PRKD1: variants seen among roughly 807,000 people sequenced by gnomAD.
PRKD1 encodes serine/threonine-protein kinase D1.
PRKD1 carries 63 observed loss-of-function variants against 95.9 expected under a neutral mutation model. The observed-to-expected ratio is 0.66, with a 90% CI of 0.54 to 0.81. The LOEUF is 0.81. PRKD1 is among the 30% of genes least tolerant of loss of function. The pLI is 0.00. For missense variants in PRKD1, 1,048 were observed against 1,165.3 expected (o/e 0.90, Z 1.47); for synonymous variants, 425 against 423.1 (o/e 1.00, Z -0.05).
At chr14:29,842,195 T>A (rs1289983215) in intron 1 of PRKD1, among the ~76,000 whole-genome samples, 2 of 152,232 alleles carry the variant, frequency 1.3e-5, no homozygotes, top group Admixed American at 1.3e-4. Context: ...GCAGTTAACT[T>A]GTTTTTACAT....
chr14:29,796,212 C>A (rs551385871), intron 1 of PRKD1, among the ~76,000 whole-genome samples: 11 of 152,222 alleles, frequency 7.2e-5, no homozygotes, highest in African/African-American at 2.6e-4. Flanking sequence ...TGTAAATATG[C>A]ATGATGCAGT....
chr14:29,765,945 G>C (rs761067773), intron 1 of PRKD1, among the ~76,000 whole-genome samples: 8 of 152,058 alleles, frequency 5.3e-5, no homozygotes, highest in Non-Finnish European at 1.2e-4. Context: ...CTAGACCTGG[G>C]GGTGACTGCA....
intron 1 of PRKD1, among the ~76,000 whole-genome samples, chr14:29,903,595 A>G (rs1440681923): frequency 2.0e-5 from 3 of 152,222 alleles, no homozygotes; most frequent in Non-Finnish European, 4.4e-5. Flanking sequence ...GGAGAGTACT[A>G]TTCCAACATC....
chr14:29,695,265 G>C (rs913410279), intron 2 of PRKD1, among the ~76,000 whole-genome samples: 3 of 149,560 alleles, frequency 2.0e-5, no homozygotes, highest in Non-Finnish European at 4.4e-5. Flanking sequence ...ACTACCAATT[G>C]ATATATCTGT....
chr14:29,663,677 G>A (rs747069868), intron 4 of PRKD1, 22 bp downstream of exon 4: 1 of 1,609,094 alleles, frequency 6.2e-7, no homozygotes, highest in South Asian at 1.1e-5. Context: ...AAATGGGGAA[G>A]TGGGTAAACA....
chr14:29,880,399 C>T (rs1464508398), intron 1 of PRKD1, among the ~76,000 whole-genome samples: 2 of 152,178 alleles, frequency 1.3e-5, no homozygotes, highest in East Asian at 1.9e-4. Flanking sequence ...AAGTCAAGAA[C>T]TGAGCTTTGG....
At chr14:29,734,252 G>C (rs534849734) in intron 1 of PRKD1, among the ~76,000 whole-genome samples, 1 of 151,978 alleles carries the variant, frequency 6.6e-6, no homozygotes, top group East Asian at 1.9e-4. Context: ...ATATTGGCCA[G>C]GCTGGTCTCA....
intron 1 of PRKD1, among the ~76,000 whole-genome samples, chr14:29,799,137 T>C (rs17096070): frequency 0.022 from 3,392 of 152,346 alleles, 132 homozygotes; most frequent in East Asian, 0.15. Context: ...CTAAAAGTAT[T>C]AAAATAGTAT....
chr14:29,897,709 A>G, intron 1 of PRKD1, among the ~76,000 whole-genome samples: 1 of 152,166 alleles, frequency 6.6e-6, no homozygotes, highest in East Asian at 1.9e-4. Context: ...TAAAGCTATG[A>G]TGTAGAGGTG....
rs1436508749 is a variant in PRKD1, at chr14:29,597,735, A to G, written c.2190T>C (p.Phe730=). 3 of 1,611,540 alleles carry G rather than the reference A, an allele frequency of 1.9e-6. No individual in the cohort carries two copies. The highest frequency in any genetic ancestry group is 2.5e-6 in the Non-Finnish European group (3 of 1,178,956). The change falls in exon 16 of 18, where the codon TTT becomes TTC. Residue 730 remains phenylalanine (F), a synonymous_variant. Transcript: ENST00000331968. The part of the protein sequence containing the change: ...FPQVKLCDFG[F]ARIIGEKSFR... ...AAGACTTCTCTCCAATGATCCGGGC[A>G]AAACCAAAATCACAAAGTTTCACCT...
At chr14:29,596,405 G>A (rs1893306562) in intron 16 of PRKD1, among the ~76,000 whole-genome samples, 1 of 152,160 alleles carries the variant, frequency 6.6e-6, no homozygotes, top group Admixed American at 6.5e-5. Context: ...GACTACCTGG[G>A]TAAGAATTAT....
intron 1 of PRKD1, among the ~76,000 whole-genome samples, chr14:29,849,536 A>G (rs141204020): frequency 2.6e-5 from 4 of 151,942 alleles, no homozygotes; most frequent in African/African-American, 4.8e-5. Flanking sequence ...CATGAGTTAA[A>G]AAACTGAATC....
At chr14:29,778,896 C>G (rs540756182) in intron 1 of PRKD1, among the ~76,000 whole-genome samples, 2 of 152,296 alleles carry the variant, frequency 1.3e-5, no homozygotes, top group East Asian at 3.9e-4. Flanking sequence ...CAATAAAATA[C>G]TGGCAAACTG....
At position 29,684,822 on chromosome 14, in the gene PRKD1, A is replaced by T. The variant is rs1883761984; in HGVS notation, c.404-18614T>A. Among the ~76,000 whole-genome samples, 3 of 152,208 alleles carry T rather than the reference A, an allele frequency of 2.0e-5. No individual in the cohort carries two copies. The South Asian group carries it at 6.2e-4, about 32-fold the overall frequency. Reference sequence around the variant, plus strand: ...ACTTGGCTTCTCCTGCAGTTATCACATCCCTGAGACTGTTAGCAAATTAAG... The same window carrying T: ...ACTTGGCTTCTCCTGCAGTTATCACTTCCCTGAGACTGTTAGCAAATTAAG... On this transcript the variant is annotated intron_variant, in intron 2 of 17. Coordinates refer to ENST00000331968, the MANE Select transcript of PRKD1 (RefSeq NM_002742.3).
chr14:29,591,312 T>A (rs1431784148), intron 16 of PRKD1: 1 of 152,168 alleles, frequency 6.6e-6, no homozygotes, highest in African/African-American at 2.4e-5. Context: ...ATGATAAAGA[T>A]ACAAAAATAT....
intron 1 of PRKD1, among the ~76,000 whole-genome samples, chr14:29,731,289 C>T (rs936985133): frequency 2.5e-4 from 38 of 152,088 alleles, no homozygotes; most frequent in Non-Finnish European, 4.0e-4. Context: ...TCATTTAATT[C>T]TGCTAAGGTC....
intron 1 of PRKD1, among the ~76,000 whole-genome samples, chr14:29,869,313 C>T (rs1193932233): frequency 7.9e-5 from 12 of 151,806 alleles, no homozygotes; most frequent in Admixed American, 5.3e-4. Flanking sequence ...CATGGTGCCA[C>T]GTGCCTGTAA....
chr14:29,668,688 A>T (rs1404773773), intron 2 of PRKD1, among the ~76,000 whole-genome samples: 2 of 152,196 alleles, frequency 1.3e-5, no homozygotes, highest in Non-Finnish European at 2.9e-5. Context: ...TAATCTCTGG[A>T]GGTCAAAATT....
At chr14:29,702,442 T>C (rs976964143) in intron 2 of PRKD1, among the ~76,000 whole-genome samples, 3 of 152,070 alleles carry the variant, frequency 2.0e-5, no homozygotes, top group African/African-American at 4.8e-5. Context: ...TTCCCTGTTA[T>C]ATGAGGTACT....
Sources: allele counts gnomAD v4.1 joint callset (sites outside exome capture counted in the v4.1 genomes callset), GRCh38; gene constraint gnomAD v4.1.1; transcripts MANE v1.5; gene names NCBI Gene and HGNC (gene_info 2026-07-23, HGNC 2026-07-21).